LACTBL1: variants seen among roughly 807,000 people sequenced by gnomAD.
The protein encoded by LACTBL1 is beta-lactamase-like protein 1.
A neutral mutation model predicts 39.6 loss-of-function variants in LACTBL1; 29 were observed. The ratio of observed to expected loss-of-function variants is 0.73; its 90% confidence interval spans 0.55 to 1.00. The LOEUF (loss-of-function observed/expected upper bound fraction) is 1.00, where lower values mean the gene tolerates loss of function less well. LACTBL1 is among the 50% of genes least tolerant of loss of function. The probability of loss-of-function intolerance (pLI) is 0.00; values close to 1 mark genes in which losing one functional copy is unlikely to be tolerated. For missense variants in LACTBL1, 711 were observed against 748.5 expected (o/e 0.95, Z 0.59); for synonymous variants, 361 against 360.7 (o/e 1.00, Z -0.01).
the LACTBL1 span, chr1:22,972,402 G>A: frequency 1.0e-6 from 1 of 985,224 alleles, no homozygotes; most frequent in Non-Finnish European, 1.2e-6. Flanking sequence ...CTGAGTCAGA[G>A]GAGTGAAGGC....
intron 4 of LACTBL1, among the ~76,000 whole-genome samples, chr1:22,956,632 C>A (rs894509829): frequency 6.6e-6 from 1 of 152,056 alleles, no homozygotes; most frequent in African/African-American, 2.4e-5. Flanking sequence ...CAAAACCCAG[C>A]ACCCCTCCCT....
chr1:22,968,511 T>C (rs1260384720), upstream of LACTBL1, among the ~76,000 whole-genome samples: 1 of 152,236 alleles, frequency 6.6e-6, no homozygotes, highest in Non-Finnish European at 1.5e-5. Flanking sequence ...TGTATTTGGG[T>C]TTGATTTTCT....
intron 3 of LACTBL1, among the ~76,000 whole-genome samples, chr1:22,959,609 G>C (rs1489641678): frequency 6.6e-6 from 1 of 152,250 alleles, no homozygotes; most frequent in Non-Finnish European, 1.5e-5. Flanking sequence ...CAAGGACCTA[G>C]GAACTGGTTA....
chr1:22,955,789 G>A (rs927352312), intron 4 of LACTBL1, among the ~76,000 whole-genome samples: 1 of 152,214 alleles, frequency 6.6e-6, no homozygotes. Context: ...GGGGCCGGGC[G>A]CGGTGGCTCA....
exon 6 of LACTBL1, chr1:22,953,431 G>T: frequency 8.1e-7 from 1 of 1,227,572 alleles, no homozygotes; most frequent in East Asian, 3.2e-5. Context: ...AGCCGGGCCG[G>T]GCTCGGCCTC....
chr1:22,969,529 G>A (rs1278936592), upstream of LACTBL1, among the ~76,000 whole-genome samples: 1 of 152,116 alleles, frequency 6.6e-6, no homozygotes, highest in Non-Finnish European at 1.5e-5. Context: ...GCCAGACGCT[G>A]TTCTACAGGA....
At chr1:22,962,384 T>A (rs1391417572) in intron 2 of LACTBL1, among the ~76,000 whole-genome samples, 1 of 152,120 alleles carries the variant, frequency 6.6e-6, no homozygotes, top group African/African-American at 2.4e-5. Context: ...GCGGCTCATA[T>A]TCTTCTGATC....
At chr1:22,965,293 T>C in exon 1 of LACTBL1, 1 of 1,313,730 alleles carries the variant, frequency 7.6e-7, no homozygotes, top group South Asian at 2.5e-5. Context: ...CACTCACCGG[T>C]CTTCAGCTTG....
intron 3 of LACTBL1, among the ~76,000 whole-genome samples, chr1:22,959,613 C>A (rs566872274): frequency 1.3e-5 from 2 of 152,330 alleles, no homozygotes; most frequent in South Asian, 4.1e-4. Flanking sequence ...GACCTAGGAA[C>A]TGGTTATGGT....
At chr1:22,953,769 C>A in exon 6 of LACTBL1, 1 of 1,479,648 alleles carries the variant, frequency 6.8e-7, no homozygotes, top group Non-Finnish European at 9.0e-7. Context: ...CCAGCTTGGC[C>A]AGGTCGGCGG....
chr1:22,962,060 C>T (rs1227158145), intron 2 of LACTBL1, among the ~76,000 whole-genome samples: 3 of 152,122 alleles, frequency 2.0e-5, no homozygotes, highest in Non-Finnish European at 2.9e-5. Context: ...CTTTGCCTTT[C>T]TGAGCCTCTG....
chr1:22,953,181 CGA>C lies in LACTBL1; in HGVS notation c.1501_1502del (p.Ser501AlafsTer?), dbSNP rs1274849672. On this transcript the variant is annotated frameshift_variant, in exon 6 of 6. Transcript: ENST00000426928. LOFTEE classifies it high-confidence loss of function. The stretch of plus-strand genomic sequence containing the variant: ...CCAGCTGCCCGTGCTGGGCCTCGAG[CGA>C]GAGCCACGCGTCGCCGAGTGGCAGT... The C allele has an allele frequency of 1.6e-6, 2 of 1,232,148 alleles. No individual in the cohort carries two copies. Among genetic ancestry groups the C allele is most frequent in the East Asian group, 6.3e-5 (2 of 31,698 alleles). The allele number at this position is 1,232,148 out of a possible 1,614,324, so 76.3% of individuals were successfully genotyped here. A position where few individuals can be genotyped will look rare whatever the true frequency, so the allele number is the denominator to read the frequency against.
chr1:22,963,853 C>T (rs902164573), intron 1 of LACTBL1, among the ~76,000 whole-genome samples: 1 of 152,110 alleles, frequency 6.6e-6, no homozygotes, highest in African/African-American at 2.4e-5. Flanking sequence ...TTAATACATC[C>T]TCCTCGTCTT....
At chr1:22,968,104 T>C (rs1258064143), upstream of LACTBL1, among the ~76,000 whole-genome samples, 2 of 152,234 alleles carry the variant, frequency 1.3e-5, no homozygotes, top group African/African-American at 2.4e-5. Context: ...TATTGTTTTT[T>C]TTGAACGTAA....
upstream of LACTBL1, among the ~76,000 whole-genome samples, chr1:22,967,642 TATAG>T (rs1056986299): frequency 1.1e-4 from 17 of 151,854 alleles, no homozygotes; most frequent in South Asian, 8.3e-4. Flanking sequence ...TACATATATA[TATAG>T]AGAGAGAGAG....
chr1:22,962,571 G>T lies in LACTBL1; in HGVS notation c.159+536C>A, dbSNP rs565141435. ...TATCGCGGTGGCCTCTGCAATGTGG[G>T]CTCTGTCATCCTCTCCTGTCTCAGC... On this transcript the variant is annotated intron_variant, in intron 2 of 5. Coordinates refer to ENST00000426928, the Ensembl canonical transcript of LACTBL1. Among the ~76,000 whole-genome samples the T allele has an allele frequency of 4.3e-4, 66 of 152,146 alleles. 1 individual carries two copies. In the South Asian group the frequency reaches 0.013, roughly 30 times the overall value.
exon 6 of LACTBL1, chr1:22,953,673 C>A (rs975726220): frequency 1.6e-6 from 2 of 1,274,220 alleles, no homozygotes; most frequent in Admixed American, 4.2e-5. Flanking sequence ...AGTAGGCGCC[C>A]GGGCAGGCCA....
intron 3 of LACTBL1, 24 bp downstream of exon 5, chr1:22,959,918 G>T: frequency 6.4e-7 from 1 of 1,550,748 alleles, no homozygotes. Flanking sequence ...CCCTCCACAG[G>T]ACCCTAGAGA....
the LACTBL1 span, among the ~76,000 whole-genome samples, chr1:22,971,109 CCTTAG>C: frequency 2.6e-5 from 4 of 152,260 alleles, no homozygotes; most frequent in South Asian, 4.1e-4. Flanking sequence ...ACCAGCAGAT[CCTTAG>C]CTTATTTTTA....
Sources: gnomAD v4.1 joint callset for allele counts (sites outside exome capture counted in the v4.1 genomes callset) on GRCh38, gnomAD v4.1.1 for gene constraint, MANE v1.5 for transcripts, NCBI Gene and HGNC (gene_info 2026-07-23, HGNC 2026-07-21) for gene names.